Variants in PDE10A observed in about 807,000 individuals in gnomAD.
PDE10A encodes the protein phosphodiesterase 10A, also known as cAMP and cAMP-inhibited cGMP 3',5'-cyclic phosphodiesterase 10A.
Under a neutral mutation model 97.7 loss-of-function variants are expected in PDE10A, and 39 were observed. The ratio of observed to expected loss-of-function variants is 0.40; its 90% confidence interval spans 0.31 to 0.52. The LOEUF (loss-of-function observed/expected upper bound fraction) is 0.52. PDE10A is among the 20% of genes least tolerant of loss of function. The pLI is 0.56. For missense variants in PDE10A, 731 were observed against 1,047.8 expected (o/e 0.70, Z 4.17); for synonymous variants, 371 against 376.8 (o/e 0.98, Z 0.18).
At chr6:165,943,005 A>T (rs1002754495) in intron 1 of PDE10A, among the ~76,000 whole-genome samples, 6 of 151,542 alleles carry the variant, frequency 4.0e-5, no homozygotes, top group Admixed American at 2.6e-4. Context: ...CATGCATTTC[A>T]TCAAGACAAG....
intron 1 of PDE10A, among the ~76,000 whole-genome samples, chr6:165,980,822 C>T (rs1156402192): frequency 6.6e-6 from 1 of 152,096 alleles, no homozygotes; most frequent in South Asian, 2.1e-4. Context: ...ATCGTGATTG[C>T]TACCTTGTAT....
chr6:165,459,069 T>A (rs567116276), intron 3 of PDE10A, among the ~76,000 whole-genome samples: 3 of 152,306 alleles, frequency 2.0e-5, no homozygotes, highest in Admixed American at 2.0e-4. Context: ...CAATTTTGAT[T>A]TGTCTGATGT....
chr6:165,498,423 C>CAAA lies in PDE10A; in HGVS notation c.995-16083_995-16081dup, dbSNP rs35069498. 5.5e-3 allele frequency among the ~76,000 whole-genome samples: 125 copies of CAAA among 22,884 alleles called. 12 individuals carry two copies. Among genetic ancestry groups the CAAA allele is most frequent in the Non-Finnish European group, 6.6e-3 (72 of 10,972 alleles). The allele number at this position is 22,884 out of a possible 152,430, so 15.0% of individuals were successfully genotyped here. On this transcript the variant is annotated intron_variant, in intron 2 of 21. Transcript: ENST00000539869. ...GGATGACAGAGCAAGACCCTGTCTCCAAAAAAAAAAAAAAAAAAAAAAAAA... is the reference window on the plus strand; with the variant it reads ...GGATGACAGAGCAAGACCCTGTCTCCAAAAAAAAAAAAAAAAAAAAAAAAAAAA...
chr6:165,339,330 T>A lies in PDE10A; in HGVS notation c.2924A>T (p.Gln975Leu). Residue 975 changes from glutamine to leucine, a missense_variant, in exon 20 of 22, where the codon CAG becomes CTG. Around this residue, in one of 8 missense-constraint regions of PDE10A, gnomAD observed 96 missense variants for 156.7 expected, o/e 0.61. Coordinates refer to ENST00000539869, the MANE Select transcript of PDE10A (RefSeq NM_001385079.1). ...EGDEMKKLGI[Q>L]PIPMMDRDKK... is the part of the protein sequence containing the mutation. ...GTCTCTGTCCATCATAGGAATAGGCTGTATTCCCAATTTCTTCATTTCATC... is the reference window on the plus strand; with the variant it reads ...GTCTCTGTCCATCATAGGAATAGGCAGTATTCCCAATTTCTTCATTTCATC... 1 of 1,604,866 alleles carries A rather than the reference T, an allele frequency of 6.2e-7. No homozygotes were observed. Among genetic ancestry groups the A allele is most frequent in the Non-Finnish European group, 8.5e-7 (1 of 1,171,958 alleles).
chr6:165,563,205 G>C (rs1478840912), intron 1 of PDE10A, among the ~76,000 whole-genome samples: 1 of 142,110 alleles, frequency 7.0e-6, no homozygotes, highest in Admixed American at 7.2e-5. Context: ...GGCAAGGGAG[G>C]GGGGAAAAAG....
At chr6:165,831,452 T>G (rs561774359) in intron 1 of PDE10A, among the ~76,000 whole-genome samples, 13 of 148,424 alleles carry the variant, frequency 8.8e-5, no homozygotes, top group African/African-American at 3.2e-4. Flanking sequence ...ATAATAACTT[T>G]CTGTATTCTG....
chr6:165,689,808 C>T (rs952347868), intron 1 of PDE10A, among the ~76,000 whole-genome samples: 17 of 152,078 alleles, frequency 1.1e-4, no homozygotes, highest in Admixed American at 3.9e-4. Context: ...CTAAGACAAT[C>T]GCTAAAGTGT....
At chr6:165,548,517 T>C (rs1251396024) in intron 1 of PDE10A, among the ~76,000 whole-genome samples, 1 of 152,174 alleles carries the variant, frequency 6.6e-6, no homozygotes, top group East Asian at 1.9e-4. Flanking sequence ...CTGTGGGGTT[T>C]AGCATGTTCC....
chr6:165,632,192 G>A (rs569218451), intron 1 of PDE10A, among the ~76,000 whole-genome samples: 2 of 97,828 alleles, frequency 2.0e-5, no homozygotes, highest in South Asian at 3.7e-4. Flanking sequence ...AAGAGGGAGA[G>A]TCCATCTCAA....
At chr6:165,589,720 T>C (rs1006400274) in intron 1 of PDE10A, among the ~76,000 whole-genome samples, 1 of 152,058 alleles carries the variant, frequency 6.6e-6, no homozygotes, top group Non-Finnish European at 1.5e-5. Flanking sequence ...TGAGAAAAAT[T>C]ATAAATTTGA....
chr6:165,443,522 G>A (rs1426934498), intron 5 of PDE10A, among the ~76,000 whole-genome samples: 1 of 152,126 alleles, frequency 6.6e-6, no homozygotes, highest in African/African-American at 2.4e-5. Flanking sequence ...GGAAGCTGTT[G>A]GTGGATCTAC....
At chr6:165,606,808 C>A (rs138136767) in intron 1 of PDE10A, among the ~76,000 whole-genome samples, 1 of 151,946 alleles carries the variant, frequency 6.6e-6, no homozygotes, top group Non-Finnish European at 1.5e-5. Flanking sequence ...CCATGGAGTG[C>A]GTGCAGTGCG....
chr6:165,770,945 T>C (rs1276301792), intron 1 of PDE10A, among the ~76,000 whole-genome samples: 1 of 152,202 alleles, frequency 6.6e-6, no homozygotes, highest in East Asian at 1.9e-4. Flanking sequence ...GTATCTTTTC[T>C]GGGACCCCTC....
chr6:165,548,170 T>C (rs1034913553), intron 1 of PDE10A, among the ~76,000 whole-genome samples: 13 of 151,852 alleles, frequency 8.6e-5, no homozygotes, highest in African/African-American at 1.5e-4. Context: ...TACATTTCAA[T>C]ATGTATCTCC....
In PDE10A at chr6:165,793,093, G is replaced by A. The variant is rs181224299; in HGVS notation, c.-615+194436C>T. Among the ~76,000 whole-genome samples, 413 of 152,118 alleles carry A rather than the reference G, an allele frequency of 2.7e-3. 1 individual carries two copies. Among genetic ancestry groups the A allele is most frequent in the African/African-American group, 9.3e-3 (386 of 41,494 alleles). On this transcript the variant is annotated intron_variant, in intron 1 of 19. Transcript: ENST00000366882. ...AAGACAGAAATGAAGCCTTCACACC[G>A]TTTCATACAACAGACTCTGAAGACT...
chr6:165,674,540 C>T (rs186693034), intron 1 of PDE10A, among the ~76,000 whole-genome samples: 2 of 152,254 alleles, frequency 1.3e-5, no homozygotes, highest in East Asian at 1.9e-4. Context: ...GAGCAAATGC[C>T]CGCCAACGAC....
At chr6:165,445,482 T>C (rs1467236912) in intron 5 of PDE10A, among the ~76,000 whole-genome samples, 1 of 152,142 alleles carries the variant, frequency 6.6e-6, no homozygotes, top group East Asian at 1.9e-4. Flanking sequence ...GAGAGAAAAG[T>C]TGGGGCCTTT....
In PDE10A at chr6:165,625,247, G is replaced by C. The variant is rs139661911; in HGVS notation, c.865+36700C>G. ...TCACTCCTGCTGCTGTGTGGAAGGA[G>C]ACCAGCAAGGAGCCAGGCCAAGGCC... On this transcript the variant is annotated intron_variant, in intron 1 of 21. Coordinates refer to ENST00000539869, the MANE Select transcript of PDE10A (RefSeq NM_001385079.1). Among the ~76,000 whole-genome samples, 5 of 152,334 alleles carry C rather than the reference G, an allele frequency of 3.3e-5. No individual in the cohort carries two copies. The East Asian group carries it at 9.7e-4, about 29-fold the overall frequency.
rs185104213 is a variant in PDE10A, at chr6:165,432,474, T to G, written c.1491+500A>C. Among the ~76,000 whole-genome samples, 17 of 152,250 alleles carry G rather than the reference T, an allele frequency of 1.1e-4. No homozygotes were observed. In the East Asian group the frequency reaches 3.3e-3, roughly 29 times the overall value. ...CAGGAGATGGGTTCATTCAGGCAAG[T>G]GAACAGGAGTGAGGCCACTGAAGGA... On this transcript the variant is annotated intron_variant, in intron 7 of 21. Coordinates refer to ENST00000539869, the MANE Select transcript of PDE10A (RefSeq NM_001385079.1).
Sources: gnomAD v4.1 joint callset for allele counts (sites outside exome capture counted in the v4.1 genomes callset) on GRCh38, gnomAD v4.1.1 for gene constraint, gnomAD v4.1.1 regional missense constraint, MANE v1.5 for transcripts, NCBI Gene and HGNC (gene_info 2026-07-23, HGNC 2026-07-21) for gene names.